CLEC2L: variants seen among roughly 807,000 people sequenced by gnomAD.
The protein encoded by CLEC2L is C-type lectin domain family 2 member L.
A neutral mutation model predicts 23.6 loss-of-function variants in CLEC2L; 14 were observed. The ratio of observed to expected loss-of-function variants is 0.59; its 90% confidence interval spans 0.39 to 0.93. The LOEUF is 0.93. Among genes scored for constraint, CLEC2L ranks in the 40% least tolerant of loss-of-function variants. The pLI, the probability that CLEC2L is intolerant of heterozygous loss-of-function variation, is 0.00. For missense variants in CLEC2L, 264 were observed against 282.4 expected, an observed-to-expected ratio of 0.93 and a Z score of 0.47; for synonymous variants, 114 against 121.3, an observed-to-expected ratio of 0.94 and a Z score of 0.40.
intron 2 of CLEC2L, among the ~76,000 whole-genome samples, chr7:139,536,658 T>C (rs1194717093): frequency 1.3e-5 from 2 of 151,886 alleles, no homozygotes; most frequent in Non-Finnish European, 1.5e-5. Context: ...TTGGAGGAGA[T>C]GGTTTGGGAA....
At chr7:139,529,852 A>T (rs972728028) in intron 1 of CLEC2L, among the ~76,000 whole-genome samples, 1 of 152,122 alleles carries the variant, frequency 6.6e-6, no homozygotes, top group Non-Finnish European at 1.5e-5. Flanking sequence ...GGATCACCTG[A>T]GGTCAGGAGT....
intron 1 of CLEC2L, among the ~76,000 whole-genome samples, chr7:139,526,483 TG>T (rs1187904789): frequency 6.6e-6 from 1 of 152,146 alleles, no homozygotes; most frequent in Non-Finnish European, 1.5e-5. Flanking sequence ...TGCTGGCTTT[TG>T]TATTTGTCTC....
intron 1 of CLEC2L, among the ~76,000 whole-genome samples, chr7:139,535,955 C>T (rs899059876): frequency 6.6e-6 from 1 of 152,260 alleles, no homozygotes; most frequent in African/African-American, 2.4e-5. Flanking sequence ...GAGCTGCGCT[C>T]TACAGCAGTG....
At chr7:139,534,615 G>A in intron 1 of CLEC2L, 1 of 668,498 alleles carries the variant, frequency 1.5e-6, no homozygotes. Context: ...AGTACGGTGT[G>A]CTGTAGCGGA....
At chr7:139,532,944 T>C (rs1296850394) in intron 1 of CLEC2L, among the ~76,000 whole-genome samples, 1 of 152,218 alleles carries the variant, frequency 6.6e-6, no homozygotes, top group African/African-American at 2.4e-5. Flanking sequence ...TGTCTCATCA[T>C]GAAAGAGGCG....
chr7:139,534,575 G>A, intron 1 of CLEC2L: 2 of 736,096 alleles, frequency 2.7e-6, no homozygotes, highest in Non-Finnish European at 5.0e-6. Flanking sequence ...AAGCATTAGG[G>A]GGGTTGGGGG....
chr7:139,526,559 C>T (rs1354134807), intron 1 of CLEC2L, among the ~76,000 whole-genome samples: 1 of 152,230 alleles, frequency 6.6e-6, no homozygotes, highest in Non-Finnish European at 1.5e-5. Context: ...CATTTATGTT[C>T]TCTCAGAGGT....
In CLEC2L at chr7:139,535,560, A is replaced by T. The variant is rs74800013; in HGVS notation, c.191-714A>T. ...TCATCACAATTTTTAAAATCCTTAA[A>T]ATACCCTATGTTTAACGTCTAAAAG... On this transcript the variant is annotated intron_variant, in intron 1 of 4. Coordinates refer to ENST00000422142, the MANE Select transcript of CLEC2L (RefSeq NM_001080511.4). Among the ~76,000 whole-genome samples, 420 of 152,362 alleles carry T rather than the reference A, an allele frequency of 2.8e-3. 3 individuals carry two copies. The highest frequency in any genetic ancestry group is 4.6e-3 in the Admixed American group (71 of 15,302).
At chr7:139,543,288 G>C (rs1160962452) in intron 4 of CLEC2L, among the ~76,000 whole-genome samples, 1 of 152,136 alleles carries the variant, frequency 6.6e-6, no homozygotes, top group South Asian at 2.1e-4. Flanking sequence ...TCTCAGGTCT[G>C]CTCTCTCAGA....
chr7:139,525,122 C>T (rs1047127559), intron 1 of CLEC2L, among the ~76,000 whole-genome samples: 4 of 152,090 alleles, frequency 2.6e-5, no homozygotes, highest in Non-Finnish European at 4.4e-5. Context: ...AGGACCCAGA[C>T]GGTGAAGGGC....
Position 139,539,247 on chromosome 7 carries a change from C to G in CLEC2L, c.266-1074C>G, listed in dbSNP as rs572890904. ...GAAAGAAATCAAGATTAAAATGTATCTTGAATAACTCAAATGATGAGCCAA... is the reference window on the plus strand; with the variant it reads ...GAAAGAAATCAAGATTAAAATGTATGTTGAATAACTCAAATGATGAGCCAA... On this transcript the variant is annotated intron_variant, in intron 2 of 4. Transcript: ENST00000422142. This position sits in a 1 kb window ranked among gnomAD's most constrained non-coding sequence, Gnocchi z 4.1. The G allele has an allele frequency of 6.6e-6, 1 of 152,156 alleles. No homozygotes were observed. 9.4% of individuals were successfully genotyped at this position (152,156 alleles called of 1,614,324 possible).
Position 139,523,824 on chromosome 7 carries a change from C to T in CLEC2L, c.-104C>T, listed in dbSNP as rs1223814366. 2.6e-6 allele frequency: 2 copies of T among 768,088 alleles called. No individual in the cohort carries two copies. The highest frequency in any genetic ancestry group is 3.2e-6 in the Non-Finnish European group (2 of 633,826). 47.6% of individuals were successfully genotyped at this position (768,088 alleles called of 1,614,324 possible). On this transcript the variant is annotated 5_prime_UTR_variant, in exon 1 of 5. Transcript: ENST00000422142. The surrounding 1 kb of genome is among the most constrained non-coding windows in gnomAD (Gnocchi z 4.1). ...CGCCGCGGTCCTAGCCCACCCGAGG[C>T]CGGCCTGGGGGGCCCGCAGGGCGCG...
rs75781945 is a variant in CLEC2L, at chr7:139,538,076, G to A, written c.265+1728G>A. The stretch of plus-strand genomic sequence containing the variant: ...GCGGAAAAGTCCACCAATATTATCA[G>A]TTCTTACCAAACCCTCCCCTATAGG... On this transcript the variant is annotated intron_variant, in intron 2 of 4. Coordinates refer to ENST00000422142, the MANE Select transcript of CLEC2L (RefSeq NM_001080511.4). Among the ~76,000 whole-genome samples, 712 of 152,298 alleles carry A rather than the reference G, an allele frequency of 4.7e-3. 6 individuals carry two copies. Among genetic ancestry groups the A allele is most frequent in the African/African-American group, 0.017 (688 of 41,570 alleles).
chr7:139,534,164 G>C, intron 1 of CLEC2L: 1 of 700,224 alleles, frequency 1.4e-6, no homozygotes, highest in South Asian at 1.5e-5. Flanking sequence ...ACCAATGATG[G>C]AGTTAGTCTT....
rs532047226 is a variant in CLEC2L at position 139,540,407 on chromosome 7, C to A, written c.352C>A (p.Pro118Thr). Residue 118 changes from proline (P) to threonine (T), a missense_variant, in exon 3 of 5, where the codon CCC becomes ACC. Pro to Thr is a conservative substitution (Grantham distance 38). Coordinates refer to ENST00000422142, the MANE Select transcript of CLEC2L (RefSeq NM_001080511.4). The surrounding 1 kb of genome is among the most constrained non-coding windows in gnomAD (Gnocchi z 5.8). ...GAAGTGCTACTTCTTTTCCGAGGAA[C>A]CCAGAGACTGGAACACAGGCAGGCA... ...GRKCYFFSEEPRDWNTGRQYC... is the reference protein window; with the variant it reads ...GRKCYFFSEETRDWNTGRQYC... 6.2e-7 allele frequency: 1 copy of A among 1,609,134 alleles called. No homozygotes were observed. Among genetic ancestry groups the A allele is most frequent in the Non-Finnish European group, 8.5e-7 (1 of 1,178,088 alleles).
At position 139,539,533 on chromosome 7, in the gene CLEC2L, C is replaced by G. The variant is rs1797705272; in HGVS notation, c.266-788C>G. On this transcript the variant is annotated intron_variant, in intron 2 of 4. Coordinates refer to ENST00000422142, the MANE Select transcript of CLEC2L (RefSeq NM_001080511.4). The surrounding 1 kb of genome is among the most constrained non-coding windows in gnomAD (Gnocchi z 4.1). ...CTGCAGACTGGAGATCCCATGACGA[C>G]TGGAAGACAGCATGGTGGTCACTGT... 1 of 152,268 alleles carries G rather than the reference C, an allele frequency of 6.6e-6. No individual in the cohort carries two copies. The highest frequency in any genetic ancestry group is 1.9e-4 in the East Asian group (1 of 5,196). 9.4% of individuals were successfully genotyped at this position (152,268 alleles called of 1,614,324 possible).
At chr7:139,524,972 A>G (rs1482056954) in intron 1 of CLEC2L, among the ~76,000 whole-genome samples, 2 of 152,172 alleles carry the variant, frequency 1.3e-5, no homozygotes, top group Non-Finnish European at 2.9e-5. Flanking sequence ...ACCTCTTAGC[A>G]GGCGTGGAGA....
In CLEC2L at chr7:139,544,577, G is replaced by T; in HGVS notation, c.*235G>T. 1 of 558,516 alleles carries T rather than the reference G, an allele frequency of 1.8e-6. No individual in the cohort carries two copies. Among genetic ancestry groups the T allele is most frequent in the East Asian group, 3.0e-5 (1 of 33,530 alleles). The allele number at this position is 558,516 out of a possible 1,614,324, so 34.6% of individuals were successfully genotyped here. On this transcript the variant is annotated 3_prime_UTR_variant, in exon 5 of 5. Coordinates refer to ENST00000422142, the MANE Select transcript of CLEC2L (RefSeq NM_001080511.4). ...AGTTAAATCCCATATGCTAGGTAGTGTAGGCATCTGCCCACCTACACACAC... is the reference window on the plus strand; with the variant it reads ...AGTTAAATCCCATATGCTAGGTAGTTTAGGCATCTGCCCACCTACACACAC...
At position 139,544,470 on chromosome 7, in the gene CLEC2L, C is replaced by G; in HGVS notation, c.*128C>G. 1 of 639,502 alleles carries G rather than the reference C, an allele frequency of 1.6e-6. No individual in the cohort carries two copies. The highest frequency in any genetic ancestry group is 2.7e-6 in the Non-Finnish European group (1 of 368,078). 39.6% of individuals were successfully genotyped at this position (639,502 alleles called of 1,614,324 possible). A position where few individuals can be genotyped will look rare whatever the true frequency, so the allele number is the denominator to read the frequency against. ...AAGCGGTGGGTGCGTGGCCTCCGCCCCAGGCCCCTCTCCCAGGCCCTGGCG... is the reference window on the plus strand; with the variant it reads ...AAGCGGTGGGTGCGTGGCCTCCGCCGCAGGCCCCTCTCCCAGGCCCTGGCG... On this transcript the variant is annotated 3_prime_UTR_variant, in exon 5 of 5. Coordinates refer to ENST00000422142, the MANE Select transcript of CLEC2L (RefSeq NM_001080511.4).
Sources: allele counts gnomAD v4.1 joint callset (sites outside exome capture counted in the v4.1 genomes callset), GRCh38; gene constraint gnomAD v4.1.1; non-coding constraint Gnocchi (gnomAD v3.1); transcripts MANE v1.5; gene names NCBI Gene and HGNC (gene_info 2026-07-23, HGNC 2026-07-21).